The following GALNT13 variants were observed in gnomAD, a reference collection of about 807,000 sequenced individuals.
The protein encoded by GALNT13 is polypeptide N-acetylgalactosaminyltransferase 13, also known as UDP-GalNAc:polypeptide N-acetylgalactosaminyltransferase 13.
Under a neutral mutation model 64.2 loss-of-function variants are expected in GALNT13, and 28 were observed. The ratio of observed to expected loss-of-function variants is 0.44; its 90% confidence interval spans 0.32 to 0.60. GALNT13 has a LOEUF of 0.60. GALNT13 is among the 20% of genes least tolerant of loss of function. The probability of loss-of-function intolerance (pLI) is 0.05; values close to 1 mark genes in which losing one functional copy is unlikely to be tolerated. For missense variants in GALNT13, 577 were observed against 669.8 expected (o/e 0.86, Z 1.53); for synonymous variants, 214 against 224.6 (o/e 0.95, Z 0.42).
chr2:153,131,737 A>G, the GALNT13 span, among the ~76,000 whole-genome samples: 1 of 152,118 alleles, frequency 6.6e-6, no homozygotes, highest in South Asian at 2.1e-4. Flanking sequence ...TACACCTGGG[A>G]AAAGATATAC....
the GALNT13 span, among the ~76,000 whole-genome samples, chr2:153,852,105 G>A: frequency 6.6e-6 from 1 of 152,006 alleles, no homozygotes; most frequent in Non-Finnish European, 1.5e-5. Flanking sequence ...GAAATTGAAA[G>A]TAGACAGAAA....
chr2:153,910,953 G>C (rs1373776955), intron 2 of GALNT13, among the ~76,000 whole-genome samples: 3 of 152,124 alleles, frequency 2.0e-5, no homozygotes, highest in Non-Finnish European at 4.4e-5. Flanking sequence ...TGGTCCTTTT[G>C]AGTTCAAGTC....
At chr2:154,270,070 A>G (rs1691271442) in intron 8 of GALNT13, among the ~76,000 whole-genome samples, 1 of 145,576 alleles carries the variant, frequency 6.9e-6, no homozygotes, top group Non-Finnish European at 1.5e-5. Flanking sequence ...GCTCCTTTAG[A>G]AAAAAATAAG....
chr2:154,098,421 T>C (rs12998004), intron 3 of GALNT13, among the ~76,000 whole-genome samples: 13,589 of 152,078 alleles, frequency 0.089, 833 homozygotes, highest in Middle Eastern at 0.14. Context: ...AGCCCTCTTA[T>C]TTTTCAATGA....
the GALNT13 span, among the ~76,000 whole-genome samples, chr2:153,720,626 C>A: frequency 1.1e-3 from 174 of 151,364 alleles, no homozygotes; most frequent in African/African-American, 4.0e-3. Flanking sequence ...AGGAGCTGAT[C>A]GAGCTGAAAA....
At chr2:153,793,383 G>A in the GALNT13 span, among the ~76,000 whole-genome samples, 2 of 152,072 alleles carry the variant, frequency 1.3e-5, no homozygotes, top group Non-Finnish European at 2.9e-5. Context: ...AAATGTTCTT[G>A]CACTTTCTCT....
At chr2:154,398,039 G>A (rs1032706698) in intron 10 of GALNT13, among the ~76,000 whole-genome samples, 1 of 152,122 alleles carries the variant, frequency 6.6e-6, no homozygotes, top group Non-Finnish European at 1.5e-5. Flanking sequence ...TTTTAAAATA[G>A]AATAGTCTTT....
chr2:153,441,429 A>T, the GALNT13 span, among the ~76,000 whole-genome samples: 11 of 152,120 alleles, frequency 7.2e-5, no homozygotes, highest in African/African-American at 2.7e-4. Context: ...TTGGCTATAC[A>T]CACTGTTATT....
chr2:153,752,867 G>A, the GALNT13 span, among the ~76,000 whole-genome samples: 2 of 151,918 alleles, frequency 1.3e-5, no homozygotes, highest in Admixed American at 1.3e-4. Flanking sequence ...TCCTCTTTAA[G>A]GCCAATAACT....
chr2:153,473,200 G>GA, the GALNT13 span, among the ~76,000 whole-genome samples: 5 of 152,002 alleles, frequency 3.3e-5, no homozygotes, highest in East Asian at 9.7e-4. Context: ...CAAAAAAAAG[G>GA]AAAAATACAT....
At chr2:154,144,862 T>A (rs961238735) in intron 4 of GALNT13, among the ~76,000 whole-genome samples, 5 of 151,852 alleles carry the variant, frequency 3.3e-5, no homozygotes, top group African/African-American at 1.2e-4. Flanking sequence ...TTTATAAAAA[T>A]TTACTTAAAG....
chr2:154,221,520 A>C (rs1032887869), intron 4 of GALNT13, among the ~76,000 whole-genome samples: 4 of 152,118 alleles, frequency 2.6e-5, no homozygotes, highest in Non-Finnish European at 5.9e-5. Flanking sequence ...AGACTAATGT[A>C]ACATTTGAGA....
rs140098297 is a variant in GALNT13, at chr2:154,254,831, A to C, written c.858-4190A>C. On this transcript the variant is annotated intron_variant, in intron 7 of 12. Coordinates refer to ENST00000392825, the MANE Select transcript of GALNT13 (RefSeq NM_052917.4). ...GTATGGAAACACAGATTAGGAGTGA[A>C]CCATAAAGGTGACAGTGAAAGGTAT... Among the ~76,000 whole-genome samples, 382 of 152,248 alleles carry C rather than the reference A, an allele frequency of 2.5e-3. 3 individuals are homozygous for C. The highest frequency in any genetic ancestry group is 8.8e-3 in the African/African-American group (366 of 41,558).
At chr2:154,029,062 A>T (rs2105301195) in intron 3 of GALNT13, among the ~76,000 whole-genome samples, 1 of 152,152 alleles carries the variant, frequency 6.6e-6, no homozygotes, top group Non-Finnish European at 1.5e-5. Flanking sequence ...CACTAGAAAG[A>T]TAATATAGCA....
chr2:154,019,443 G>A lies in GALNT13; in HGVS notation c.142+74804G>A, dbSNP rs1376285028. ...AGGTCAAGAGATCAAGACCATCCTG[G>A]CCAACATGGTGAAACCCCATTTCTA... is the stretch of plus-strand genomic sequence containing the variant. On this transcript the variant is annotated intron_variant, in intron 3 of 12. Transcript: ENST00000392825. Among the ~76,000 whole-genome samples the A allele has an allele frequency of 3.9e-5, 6 of 151,992 alleles. No homozygotes were observed. In the East Asian group the frequency reaches 1.2e-3, roughly 29 times the overall value.
At chr2:153,702,417 A>G in the GALNT13 span, among the ~76,000 whole-genome samples, 7 of 152,186 alleles carry the variant, frequency 4.6e-5, no homozygotes, top group African/African-American at 1.4e-4. Context: ...GCACACGTGT[A>G]CCTGTGTAAC....
chr2:153,395,632 A>G, the GALNT13 span, among the ~76,000 whole-genome samples: 1 of 152,142 alleles, frequency 6.6e-6, no homozygotes, highest in Non-Finnish European at 1.5e-5. Flanking sequence ...GTGGTTGTAG[A>G]TGAATGTTTC....
At chr2:154,167,744 C>A (rs1685114331) in intron 4 of GALNT13, among the ~76,000 whole-genome samples, 1 of 152,110 alleles carries the variant, frequency 6.6e-6, no homozygotes, top group Non-Finnish European at 1.5e-5. Context: ...CACATGGCAT[C>A]AGAGCCCAAG....
chr2:154,128,629 A>G, intron 3 of GALNT13, among the ~76,000 whole-genome samples: 1 of 152,122 alleles, frequency 6.6e-6, no homozygotes, highest in East Asian at 1.9e-4. Flanking sequence ...ACATAAACAT[A>G]AGGGGTGATG....
Sources: allele counts gnomAD v4.1 joint callset (sites outside exome capture counted in the v4.1 genomes callset), GRCh38; gene constraint gnomAD v4.1.1; transcripts MANE v1.5; gene names NCBI Gene and HGNC (gene_info 2026-07-23, HGNC 2026-07-21).